TAF3: variants seen among roughly 807,000 people sequenced by gnomAD.
TAF3 encodes the protein TATA-box binding protein associated factor 3.
TAF3 carries 7 observed loss-of-function variants against 80.6 expected under a neutral mutation model. The ratio of observed to expected loss-of-function variants is 0.09; its 90% CI spans 0.05 to 0.16. TAF3 has a LOEUF of 0.16. Among genes scored for constraint, TAF3 ranks in the 10% least tolerant of loss-of-function variants. The pLI is 1.00. For missense variants in TAF3, 921 were observed against 1,140.2 expected, an observed-to-expected ratio of 0.81 and a Z score of 2.77; for synonymous variants, 444 against 446.1, an observed-to-expected ratio of 1.00 and a Z score of 0.06.
intron 4 of TAF3, among the ~76,000 whole-genome samples, chr10:7,978,283 T>C (rs1367587692): frequency 1.3e-5 from 2 of 152,318 alleles, no homozygotes; most frequent in South Asian, 2.1e-4. Flanking sequence ...GAAAATTTGC[T>C]TTGTATTCTC....
intron 5 of TAF3, among the ~76,000 whole-genome samples, chr10:8,012,904 C>A (rs1276206512): frequency 6.6e-6 from 1 of 152,194 alleles, no homozygotes; most frequent in Non-Finnish European, 1.5e-5. Flanking sequence ...TTATTGTAAA[C>A]ACTTTGGAAG....
intron 4 of TAF3, among the ~76,000 whole-genome samples, chr10:7,986,001 C>G (rs538379359): frequency 6.6e-6 from 1 of 152,054 alleles, no homozygotes; most frequent in Non-Finnish European, 1.5e-5. Flanking sequence ...CCAGGCTGGC[C>G]TCAAACTCCT....
chr10:7,872,006 C>G (rs567907172), intron 2 of TAF3, among the ~76,000 whole-genome samples: 1 of 152,258 alleles, frequency 6.6e-6, no homozygotes, highest in South Asian at 2.1e-4. Flanking sequence ...AATCGGGACG[C>G]TTTTCACATG....
chr10:7,851,641 C>G (rs1402750314), intron 2 of TAF3, among the ~76,000 whole-genome samples: 1 of 152,184 alleles, frequency 6.6e-6, no homozygotes, highest in African/African-American at 2.4e-5. Flanking sequence ...TTTCCCTTCT[C>G]CCCTTTCATG....
In TAF3 at chr10:7,926,813, T is replaced by C. The variant is rs149665570; in HGVS notation, c.410-37107T>C. Among the ~76,000 whole-genome samples the C allele has an allele frequency of 5.2e-3, 785 of 152,356 alleles. 4 individuals are homozygous for C. Among genetic ancestry groups the C allele is most frequent in the Admixed American group, 7.6e-3 (117 of 15,300 alleles). On this transcript the variant is annotated intron_variant, in intron 2 of 6. Coordinates refer to ENST00000344293, the MANE Select transcript of TAF3 (RefSeq NM_031923.4). ...GTTTAAGATTAGTAAGCAATAGTTT[T>C]TAAACTTTGCTGCTATTTAATCATG...
intron 2 of TAF3, among the ~76,000 whole-genome samples, chr10:7,895,490 T>A (rs2131166525): frequency 6.6e-6 from 1 of 152,328 alleles, no homozygotes; most frequent in South Asian, 2.1e-4. Context: ...ACTTTCTTAC[T>A]GACATCATGG....
At chr10:7,872,227 T>TC in intron 2 of TAF3, among the ~76,000 whole-genome samples, 1 of 150,526 alleles carries the variant, frequency 6.6e-6, no homozygotes, top group South Asian at 2.1e-4. Flanking sequence ...TTTTTTTTTT[T>TC]TTTTTTCTTT....
chr10:7,821,400 AC>A (rs1275268854), intron 1 of TAF3, among the ~76,000 whole-genome samples: 2 of 152,148 alleles, frequency 1.3e-5, no homozygotes, highest in South Asian at 2.1e-4. Context: ...TCACTTACGA[AC>A]CAACCCCTGT....
intron 2 of TAF3, among the ~76,000 whole-genome samples, chr10:7,961,421 G>A (rs1209066388): frequency 1.3e-5 from 2 of 152,208 alleles, no homozygotes; most frequent in South Asian, 2.1e-4. Flanking sequence ...GGCTTCTGCT[G>A]TTGGCCTCAT....
chr10:7,944,906 T>A (rs4747643), intron 2 of TAF3, among the ~76,000 whole-genome samples: 1 of 151,984 alleles, frequency 6.6e-6, no homozygotes, highest in Non-Finnish European at 1.5e-5. Flanking sequence ...TTCCAGAATT[T>A]TGTCAAGGTC....
intron 2 of TAF3, among the ~76,000 whole-genome samples, chr10:7,953,263 A>G (rs1008356156): frequency 1.5e-4 from 23 of 152,212 alleles, no homozygotes; most frequent in African/African-American, 5.3e-4. Flanking sequence ...ATATTTTCAC[A>G]GCAACATTTT....
Position 8,009,159 on chromosome 10 carries a change from C to T in TAF3, c.2397C>T (p.Pro799=), listed in dbSNP as rs367877886. The T allele has an allele frequency of 1.6e-4, 242 of 1,560,816 alleles. 2 individuals carry two copies. The African/African-American group carries it at 3.0e-3, about 19-fold the overall frequency. Residue 799 remains proline (P), a synonymous_variant, in exon 5 of 7, where the codon CCC becomes CCT. Transcript: ENST00000344293. The surrounding 1 kb of genome is among the most constrained non-coding windows in gnomAD (Gnocchi z 4.1). The part of the protein sequence containing the change: ...QNRPKTPPPA[P]APAPGPMLVS... The stretch of plus-strand genomic sequence containing the variant: ...GGCCGAAGACCCCACCGCCGGCCCC[C>T]GCGCCCGCCCCCGGCCCCATGCTCG...
At chr10:7,982,867 C>T (rs1370417693) in intron 4 of TAF3, among the ~76,000 whole-genome samples, 16 of 152,304 alleles carry the variant, frequency 1.1e-4, no homozygotes, top group African/African-American at 2.4e-5. Flanking sequence ...CTTTTGCACA[C>T]TTTCCAAGAG....
chr10:7,973,989 A>G (rs1831645735), intron 3 of TAF3, among the ~76,000 whole-genome samples: 1 of 152,132 alleles, frequency 6.6e-6, no homozygotes, highest in African/African-American at 2.4e-5. Context: ...GTAGCCGGGC[A>G]TGGTGGCATG....
At position 7,818,614 on chromosome 10, in the gene TAF3, G is replaced by T. The variant is rs1836655246; in HGVS notation, c.-96G>T. The T allele has an allele frequency of 1.0e-5, 14 of 1,369,076 alleles. No homozygotes were observed. Among genetic ancestry groups the T allele is most frequent in the Middle Eastern group, 2.4e-4 (1 of 4,170 alleles). 84.8% of individuals were successfully genotyped at this position (1,369,076 alleles called of 1,614,324 possible). Reference sequence around the variant, plus strand: ...TCCGGGGGACCCTTTCCCCGCCGCGGAAGCCCTAGAGGATGAATCGGGGAC... The same window carrying T: ...TCCGGGGGACCCTTTCCCCGCCGCGTAAGCCCTAGAGGATGAATCGGGGAC... On this transcript the variant is annotated 5_prime_UTR_variant, in exon 1 of 7. Transcript: ENST00000344293.
At chr10:7,847,905 G>A (rs933482740) in intron 2 of TAF3, among the ~76,000 whole-genome samples, 2 of 152,098 alleles carry the variant, frequency 1.3e-5, no homozygotes, top group African/African-American at 4.8e-5. Context: ...GAGTAGCTGA[G>A]ACTACAGGCA....
intron 2 of TAF3, among the ~76,000 whole-genome samples, chr10:7,878,693 GTA>G (rs1837332249): frequency 2.5e-4 from 2 of 8,044 alleles, no homozygotes; most frequent in East Asian, 0.014. Flanking sequence ...TTCAACCAAT[GTA>G]TGTATGTATG....
At chr10:7,867,313 T>A (rs186324586) in intron 2 of TAF3, among the ~76,000 whole-genome samples, 179 of 152,286 alleles carry the variant, frequency 1.2e-3, no homozygotes, top group African/African-American at 4.2e-3. Flanking sequence ...ATGTGATTTT[T>A]AAGTATGCAT....
At chr10:7,910,076 T>TA (rs1249728514) in intron 2 of TAF3, among the ~76,000 whole-genome samples, 12 of 152,218 alleles carry the variant, frequency 7.9e-5, no homozygotes. Flanking sequence ...GTTGTATTGT[T>TA]ACTTTTATTG....
Sources: allele counts gnomAD v4.1 joint callset (sites outside exome capture counted in the v4.1 genomes callset), GRCh38; gene constraint gnomAD v4.1.1; non-coding constraint Gnocchi (gnomAD v3.1); transcripts MANE v1.5; gene names NCBI Gene and HGNC (gene_info 2026-07-23, HGNC 2026-07-21).